Variants in PECAM1 observed in about 807,000 individuals in gnomAD.
The protein encoded by PECAM1 is platelet and endothelial cell adhesion molecule 1.
PECAM1 carries 8 observed loss-of-function variants against 13.8 expected under a neutral mutation model. The observed-to-expected ratio is 0.58, with a 90% CI of 0.34 to 1.05. The LOEUF (loss-of-function observed/expected upper bound fraction) is 1.05. Ranked by LOEUF, PECAM1 falls within the 50% of genes least tolerant of loss-of-function variation. PECAM1 has a pLI of 0.03. For missense variants in PECAM1, 304 were observed against 141.2 expected, an observed-to-expected ratio of 2.15 and a Z score of -5.84; for synonymous variants, 136 against 52.6, an observed-to-expected ratio of 2.58 and a Z score of -6.86.
chr17:64,375,034 G>C lies in PECAM1; in HGVS notation c.691+17C>G. On this transcript the variant is annotated intron_variant, in intron 4 of 15. Coordinates refer to ENST00000563924, the MANE Select transcript of PECAM1 (RefSeq NM_000442.5). ...AGAAACCACAAAGAACGATGAGGAA[G>C]GGAGCAGGATGCTGACCCGTCACGG... The C allele has an allele frequency of 4.2e-6, 2 of 474,586 alleles. No individual in the cohort carries two copies. Among genetic ancestry groups the C allele is most frequent in the Non-Finnish European group, 7.7e-6 (2 of 258,734 alleles). 29.4% of individuals were successfully genotyped at this position (474,586 alleles called of 1,614,324 possible).
At chr17:64,352,121 CAA>C (rs1457688989) in intron 11 of PECAM1, among the ~76,000 whole-genome samples, 1 of 152,304 alleles carries the variant, frequency 6.6e-6, no homozygotes, top group Non-Finnish European at 1.5e-5. Flanking sequence ...GAGCAATGTT[CAA>C]AGTCTTTGAA....
At chr17:64,374,080 T>A (rs1344323339) in intron 4 of PECAM1, among the ~76,000 whole-genome samples, 12 of 152,086 alleles carry the variant, frequency 7.9e-5, no homozygotes, top group African/African-American at 2.9e-4. Flanking sequence ...CCCTCTTTCC[T>A]CCCGATCCCC....
At chr17:64,342,300 C>A (rs914271338) in intron 13 of PECAM1, among the ~76,000 whole-genome samples, 13 of 152,172 alleles carry the variant, frequency 8.5e-5, no homozygotes, top group Non-Finnish European at 1.6e-4. Context: ...AGGCCCCCAG[C>A]AAGGGCCTGC....
At chr17:64,358,219 A>G (rs1299303909) in intron 7 of PECAM1, among the ~76,000 whole-genome samples, 3 of 147,572 alleles carry the variant, frequency 2.0e-5, no homozygotes, top group African/African-American at 7.4e-5. Flanking sequence ...CCTGGATTCA[A>G]GTGATTCTCC....
chr17:64,350,711 G>A (rs12940202), intron 11 of PECAM1, among the ~76,000 whole-genome samples: 56,824 of 147,398 alleles, frequency 0.39, 12,759 homozygotes, highest in East Asian at 0.53. Context: ...GTGCGATCCC[G>A]GCTCACTGCA....
intron 15 of PECAM1, 21 bp downstream of exon 15, chr17:64,329,679 G>A (rs1189718753): frequency 1.3e-6 from 1 of 755,530 alleles, no homozygotes; most frequent in East Asian, 2.5e-5. Flanking sequence ...TAAATATAAT[G>A]TATATGAAAT....
intron 4 of PECAM1, among the ~76,000 whole-genome samples, chr17:64,374,748 C>A (rs1256772059): frequency 1.3e-5 from 2 of 151,478 alleles, no homozygotes; most frequent in African/African-American, 4.8e-5. Flanking sequence ...TGCACCACTG[C>A]ACTCCAGCTT....
chr17:64,340,348 A>G (rs2035394293), intron 14 of PECAM1, among the ~76,000 whole-genome samples: 1 of 152,122 alleles, frequency 6.6e-6, no homozygotes, highest in South Asian at 2.1e-4. Context: ...TTGAATAAAT[A>G]AATAAAGCAC....
intron 2 of PECAM1, among the ~76,000 whole-genome samples, chr17:64,388,279 G>A (rs2036641491): frequency 6.6e-6 from 1 of 152,148 alleles, no homozygotes; most frequent in Non-Finnish European, 1.5e-5. Flanking sequence ...CTGCAGGGCA[G>A]GGTCTGGCCC....
chr17:64,339,988 A>C (rs1440819368), intron 14 of PECAM1, among the ~76,000 whole-genome samples: 1 of 152,128 alleles, frequency 6.6e-6, no homozygotes, highest in Non-Finnish European at 1.5e-5. Context: ...CATCTCTACC[A>C]AAAATACAAA....
At chr17:64,353,308 C>T (rs1174773467) in intron 10 of PECAM1, among the ~76,000 whole-genome samples, 183 bp downstream of exon 10, 6,359 of 25,892 alleles carry the variant, frequency 0.25, 155 homozygotes, top group East Asian at 0.5. Flanking sequence ...CACGGAGGTA[C>T]ACACACACAC....
rs1187669925 is a variant in PECAM1 at position 64,366,299 on chromosome 17, G to A, written c.968-2902C>T. 2.0e-5 allele frequency among the ~76,000 whole-genome samples: 3 copies of A among 152,084 alleles called. No individual in the cohort carries two copies. The East Asian group carries it at 5.8e-4, about 29-fold the overall frequency. ...ATACCATCTCACACCAGTTAGAATG[G>A]CGATCATTAAAAAGTCAGGAAACAA... On this transcript the variant is annotated intron_variant, in intron 5 of 15. Coordinates refer to ENST00000563924, the MANE Select transcript of PECAM1 (RefSeq NM_000442.5).
intron 15 of PECAM1, among the ~76,000 whole-genome samples, chr17:64,326,461 G>T (rs1555645721): frequency 1.3e-5 from 2 of 152,234 alleles, no homozygotes; most frequent in African/African-American, 2.4e-5. Context: ...TCTGCCAGGA[G>T]AGCCCCATGC....
In PECAM1 at chr17:64,355,416, G is replaced by A. The variant is rs1568021745; in HGVS notation, c.1781-376C>T. Among the ~76,000 whole-genome samples the A allele has an allele frequency of 3.9e-5, 6 of 152,210 alleles. 1 individual carries two copies. The South Asian group carries it at 1.2e-3, about 32-fold the overall frequency. On this transcript the variant is annotated intron_variant, in intron 8 of 15. Transcript: ENST00000563924. ...AGCAATCCTTCCACCTCAGCCTCCC[G>A]AGTAGCTGGGACTACAGGAGCACAC...
chr17:64,385,220 G>A (rs985759448), intron 2 of PECAM1, among the ~76,000 whole-genome samples: 54 of 152,300 alleles, frequency 3.5e-4, no homozygotes, highest in Non-Finnish European at 5.7e-4. Context: ...TGACGGAGAA[G>A]GATCTAAATT....
Position 64,342,162 on chromosome 17 carries a change from A to AAG in PECAM1, c.2108-474_2108-473dup, listed in dbSNP as rs1555648584. The stretch of plus-strand genomic sequence containing the variant: ...GACACACCACCTCAAAAAAAAAAAA[A>AAG]AGAAGAAGAAGAAGGTCTTGGTCTA... On this transcript the variant is annotated intron_variant, in intron 13 of 15. Transcript: ENST00000563924. Among the ~76,000 whole-genome samples, 17 of 2,670 alleles carry AAG rather than the reference A, an allele frequency of 6.4e-3. No individual in the cohort carries two copies. The South Asian group carries it at 0.44, about 69-fold the overall frequency. 1.8% of individuals were successfully genotyped at this position (2,670 alleles called of 152,430 possible).
intron 6 of PECAM1, among the ~76,000 whole-genome samples, chr17:64,361,927 T>C (rs2035992498): frequency 6.6e-6 from 1 of 152,206 alleles, no homozygotes; most frequent in African/African-American, 2.4e-5. Flanking sequence ...CACACATTTG[T>C]CTCTTGCATT....
Position 64,377,991 on chromosome 17 carries a change from A to C in PECAM1, c.218T>G (p.Met73Arg). The change falls in exon 3 of 16, where the codon ATG becomes AGG. Residue 73 changes from methionine to arginine, a missense_variant. By Grantham distance (91) the Met-to-Arg change is moderately conservative. Transcript: ENST00000563924. ...CAGCACGTCATCCTTATAGAACAGC[A>C]TCTGGTGCTGAGGCTTGACGTGAGA... Reference protein sequence around the residue: ...TTSHVKPQHQMLFYKDDVLFY... With the variant: ...TTSHVKPQHQRLFYKDDVLFY... 1 of 475,340 alleles carries C rather than the reference A, an allele frequency of 2.1e-6. No individual in the cohort carries two copies. Among genetic ancestry groups the C allele is most frequent in the Non-Finnish European group, 3.9e-6 (1 of 259,040 alleles). 29.4% of individuals were successfully genotyped at this position (475,340 alleles called of 1,614,324 possible). A position where few individuals can be genotyped will look rare whatever the true frequency, so the allele number is the denominator to read the frequency against.
chr17:64,342,161 A>AAAG (rs60163225), intron 13 of PECAM1, among the ~76,000 whole-genome samples: 134,005 of 145,334 alleles, frequency 0.92, 62,471 homozygotes, highest in East Asian at 1. Flanking sequence ...AAAAAAAAAA[A>AAAG]AAGAAGAAGA....
Sources: allele counts gnomAD v4.1 joint callset (sites outside exome capture counted in the v4.1 genomes callset), GRCh38; gene constraint gnomAD v4.1.1; transcripts MANE v1.5; gene names NCBI Gene and HGNC (gene_info 2026-07-23, HGNC 2026-07-21).